Variants in FNDC1 observed in about 807,000 individuals in gnomAD.
FNDC1 encodes the protein fibronectin type III domain-containing protein 1.
A neutral mutation model predicts 168.0 loss-of-function variants in FNDC1; 96 were observed. The observed-to-expected ratio is 0.57, with a 90% CI of 0.48 to 0.68. The LOEUF is 0.68. Ranked by LOEUF, FNDC1 falls within the 30% of genes least tolerant of loss-of-function variation. The pLI, the probability that FNDC1 is intolerant of heterozygous loss-of-function variation, is 0.00. For missense variants in FNDC1, 2,587 were observed against 2,482.1 expected (o/e 1.04, Z -0.90); for synonymous variants, 1,099 against 1,025.9 (o/e 1.07, Z -1.36).
chr6:159,192,047 T>C (rs1238275180), intron 1 of FNDC1, among the ~76,000 whole-genome samples: 1 of 152,184 alleles, frequency 6.6e-6, no homozygotes, highest in Non-Finnish European at 1.5e-5. Flanking sequence ...TTTTTTTGTA[T>C]TGTTTTTATA....
At chr6:159,261,415 TG>T (rs1325543456) in intron 19 of FNDC1, 146 bp downstream of exon 19, 4 of 599,114 alleles carry the variant, frequency 6.7e-6, no homozygotes, top group Non-Finnish European at 1.1e-5. Flanking sequence ...AAACATCATT[TG>T]CTTTGTGCTA....
At chr6:159,242,462 C>T (rs1190393290) in intron 14 of FNDC1, among the ~76,000 whole-genome samples, 1 of 152,150 alleles carries the variant, frequency 6.6e-6, no homozygotes, top group African/African-American at 2.4e-5. Flanking sequence ...CAAACCTGCA[C>T]ATCCTGCACC....
At chr6:159,177,019 G>C (rs1181927921) in intron 1 of FNDC1, among the ~76,000 whole-genome samples, 4 of 152,120 alleles carry the variant, frequency 2.6e-5, no homozygotes, top group African/African-American at 9.7e-5. Context: ...GGTAGCATAA[G>C]TCTCATGTAT....
At chr6:159,243,788 C>T (rs752792261) in intron 14 of FNDC1, among the ~76,000 whole-genome samples, 1 of 151,916 alleles carries the variant, frequency 6.6e-6, no homozygotes, top group Non-Finnish European at 1.5e-5. Flanking sequence ...TACTTGGAGC[C>T]AGGATGGTTC....
intron 12 of FNDC1, among the ~76,000 whole-genome samples, chr6:159,236,697 T>A (rs375119663): frequency 1.3e-5 from 2 of 152,242 alleles, no homozygotes; most frequent in South Asian, 4.1e-4. Context: ...ATTGTTTGAT[T>A]AAACATTACA....
intron 1 of FNDC1, among the ~76,000 whole-genome samples, chr6:159,192,575 C>G (rs995933253): frequency 6.6e-6 from 1 of 152,162 alleles, no homozygotes; most frequent in Admixed American, 6.5e-5. Flanking sequence ...GGTGCTTGGA[C>G]AGGTGGTGTT....
intron 5 of FNDC1, among the ~76,000 whole-genome samples, chr6:159,220,465 C>T (rs1227327789): frequency 6.6e-6 from 1 of 152,184 alleles, no homozygotes; most frequent in African/African-American, 2.4e-5. Flanking sequence ...AAAGCTGCAA[C>T]AGGAGCCTTG....
In FNDC1 at chr6:159,229,959, G is replaced by T. The variant is rs773576630; in HGVS notation, c.1325G>T (p.Gly442Val). 3 of 1,613,928 alleles carry T rather than the reference G, an allele frequency of 1.9e-6. No individual in the cohort carries two copies. In the South Asian group the frequency reaches 3.3e-5, roughly 18 times the overall value. ...LFKIRATNRRGLGPHSKAFIV... is the reference protein window; with the variant it reads ...LFKIRATNRRVLGPHSKAFIV... ...AAAATCCGGGCCACAAACAGGAGAGGCCTGGGACCTCACTCCAAAGCCTTC... is the reference window on the plus strand; with the variant it reads ...AAAATCCGGGCCACAAACAGGAGAGTCCTGGGACCTCACTCCAAAGCCTTC... Residue 442 changes from glycine to valine, a missense_variant, in exon 10 of 23, where the codon GGC becomes GTC. Transcript: ENST00000297267.
chr6:159,217,280 G>A (rs1782728698), intron 5 of FNDC1, among the ~76,000 whole-genome samples: 1 of 152,174 alleles, frequency 6.6e-6, no homozygotes. Flanking sequence ...CAAGGCTGGC[G>A]CGGAAACAGA....
In FNDC1 at chr6:159,221,613, A is replaced by G. The variant is rs1782826333; in HGVS notation, c.683A>G (p.Tyr228Cys). 1 of 1,613,668 alleles carries G rather than the reference A, an allele frequency of 6.2e-7. No homozygotes were observed. The highest frequency in any genetic ancestry group is 1.3e-5 in the African/African-American group (1 of 74,938). The part of the protein sequence containing the change: ...EIKKLASESV[Y>C]VVSLQSMNSQ... ...TGGTCCACAGCCTCGGAATCCGTGT[A>G]TGTGGTCTCCCTGCAGTCCATGAAC... is the stretch of plus-strand genomic sequence containing the variant. Residue 228 changes from tyrosine to cysteine, a missense_variant, in exon 6 of 23, where the codon TAT becomes TGT. Physicochemically the swap from Tyr to Cys is radical, Grantham distance 194. Coordinates refer to ENST00000297267, the MANE Select transcript of FNDC1 (RefSeq NM_032532.3).
intron 1 of FNDC1, among the ~76,000 whole-genome samples, chr6:159,177,046 T>A (rs1374928577): frequency 6.6e-6 from 1 of 152,150 alleles, no homozygotes; most frequent in East Asian, 1.9e-4. Context: ...GTGGGCAGTC[T>A]GGTAGGATTG....
chr6:159,232,215 C>T lies in FNDC1; in HGVS notation c.1703C>T (p.Pro568Leu). Residue 568 changes from proline to leucine, a missense_variant, in exon 11 of 23, where the codon CCG (proline) becomes CTG (leucine). Pro to Leu is a moderately conservative substitution (Grantham distance 98, BLOSUM62 -3). Coordinates refer to ENST00000297267, the MANE Select transcript of FNDC1 (RefSeq NM_032532.3). This position sits in a 1 kb window ranked among gnomAD's most constrained non-coding sequence, Gnocchi z 4.9. ...DTQDQKRTLR[P>L]PSRHGHSVVA... ...CAAGACCAGAAACGGACCCTGAGGC[C>T]GCCAAGTAGACACGGCCACTCGGTG... The T allele has an allele frequency of 6.2e-7, 1 of 1,613,218 alleles. No homozygotes were observed. The highest frequency in any genetic ancestry group is 1.3e-5 in the African/African-American group (1 of 75,026).
intron 22 of FNDC1, among the ~76,000 whole-genome samples, chr6:159,269,526 C>G (rs1351030289): frequency 6.8e-5 from 10 of 147,468 alleles, no homozygotes; most frequent in African/African-American, 1.5e-4. Context: ...ATCCATCCAT[C>G]CATCCATCCA....
intron 9 of FNDC1, among the ~76,000 whole-genome samples, chr6:159,228,412 C>A (rs762225178): frequency 2.3e-4 from 35 of 152,188 alleles, no homozygotes; most frequent in Non-Finnish European, 4.4e-4. Flanking sequence ...ATTTGAATCA[C>A]AAATTTTTAT....
chr6:159,269,304 C>CTATT lies in FNDC1; in HGVS notation c.5569+1381_5569+1382insTTAT, dbSNP rs1562315871. ...TCTATCTATCTATCCATCCATCCAT[C>CTATT]TATCCTATCTATTTATCTAACTATC... On this transcript the variant is annotated intron_variant, in intron 22 of 22. Coordinates refer to ENST00000297267, the MANE Select transcript of FNDC1 (RefSeq NM_032532.3). Among the ~76,000 whole-genome samples the CTATT allele has an allele frequency of 4.8e-4, 51 of 106,406 alleles. 2 individuals carry two copies. The highest frequency in any genetic ancestry group is 7.8e-4 in the Non-Finnish European group (36 of 46,078). 69.8% of individuals were successfully genotyped at this position (106,406 alleles called of 152,430 possible). A position where few individuals can be genotyped will look rare whatever the true frequency, so the allele number is the denominator to read the frequency against.
chr6:159,199,916 G>T, intron 2 of FNDC1, 80 bp from the exon 3 acceptor site: 1 of 1,177,906 alleles, frequency 8.5e-7, no homozygotes. Context: ...TAAGGAAGAT[G>T]GTTATGCATG....
Position 159,232,237 on chromosome 6 carries a change from G to C in FNDC1, c.1725G>C (p.Ser575=), listed in dbSNP as rs1450506871. Residue 575 remains serine (S), a synonymous_variant, in exon 11 of 23, where the codon TCG becomes TCC. Coordinates refer to ENST00000297267, the MANE Select transcript of FNDC1 (RefSeq NM_032532.3). This position sits in a 1 kb window ranked among gnomAD's most constrained non-coding sequence, Gnocchi z 4.9. ...GGCCGCCAAGTAGACACGGCCACTCGGTGGTTGCTCCCGGCAGGACTGCAG... is the reference window on the plus strand; with the variant it reads ...GGCCGCCAAGTAGACACGGCCACTCCGTGGTTGCTCCCGGCAGGACTGCAG... ...TLRPPSRHGH[S]VVAPGRTAVR... 3.1e-6 allele frequency: 5 copies of C among 1,611,992 alleles called. No individual in the cohort carries two copies. The African/African-American group carries it at 5.3e-5, about 17-fold the overall frequency.
At chr6:159,190,190 C>T (rs377075034) in intron 1 of FNDC1, among the ~76,000 whole-genome samples, 10 of 152,180 alleles carry the variant, frequency 6.6e-5, no homozygotes, top group African/African-American at 2.4e-4. Context: ...ATAGGTTGAC[C>T]GTTGCACCCA....
At chr6:159,198,347 C>T (rs1331277132) in intron 2 of FNDC1, among the ~76,000 whole-genome samples, 1 of 152,212 alleles carries the variant, frequency 6.6e-6, no homozygotes, top group South Asian at 2.1e-4. Context: ...TCTTGTGCCA[C>T]CTTAGCACTT....
Sources: allele counts gnomAD v4.1 joint callset (sites outside exome capture counted in the v4.1 genomes callset), GRCh38; gene constraint gnomAD v4.1.1; non-coding constraint Gnocchi (gnomAD v3.1); transcripts MANE v1.5; gene names NCBI Gene and HGNC (gene_info 2026-07-23, HGNC 2026-07-21).